The following TMEM178B variants were observed in gnomAD, a reference collection of about 807,000 sequenced individuals.
TMEM178B encodes the protein transmembrane protein 178B.
TMEM178B carries 5 observed loss-of-function variants against 31.0 expected under a neutral mutation model. That is an observed-to-expected ratio of 0.16 (90% CI 0.08 to 0.34). The LOEUF is 0.34. Among genes scored for constraint, TMEM178B ranks in the 10% least tolerant of loss-of-function variants. The pLI is 1.00. For synonymous variants in TMEM178B, 164 were observed against 164.0 expected, an observed-to-expected ratio of 1.00 and a Z score of 0.00; for missense variants, 275 against 400.3, an observed-to-expected ratio of 0.69 and a Z score of 2.67.
chr7:141,320,472 T>C (rs1453585087), intron 2 of TMEM178B, among the ~76,000 whole-genome samples: 1 of 152,150 alleles, frequency 6.6e-6, no homozygotes, highest in African/African-American at 2.4e-5. Flanking sequence ...TCAGGATTTC[T>C]GAGCCTTGTG....
intron 1 of TMEM178B, among the ~76,000 whole-genome samples, chr7:141,192,625 C>T (rs1271923606): frequency 3.3e-5 from 5 of 152,234 alleles, no homozygotes; most frequent in South Asian, 2.1e-4. Flanking sequence ...CCACCACACC[C>T]GACTAATTTT....
At chr7:141,148,966 T>C (rs1795906091) in intron 1 of TMEM178B, among the ~76,000 whole-genome samples, 1 of 152,154 alleles carries the variant, frequency 6.6e-6, no homozygotes, top group Non-Finnish European at 1.5e-5. Flanking sequence ...TTGTCAGAGA[T>C]GGAGAGGAGC....
At chr7:141,184,551 G>A (rs1295664159) in intron 1 of TMEM178B, among the ~76,000 whole-genome samples, 2 of 152,156 alleles carry the variant, frequency 1.3e-5, no homozygotes, top group Non-Finnish European at 2.9e-5. Context: ...TTATATGTGG[G>A]AGCCTCTGCT....
At chr7:141,382,633 C>A (rs956065545) in intron 2 of TMEM178B, among the ~76,000 whole-genome samples, 1 of 152,134 alleles carries the variant, frequency 6.6e-6, no homozygotes, top group Non-Finnish European at 1.5e-5. Flanking sequence ...TCATCTATTA[C>A]CAGCATTAAC....
At chr7:141,400,115 C>T (rs931657561) in intron 2 of TMEM178B, among the ~76,000 whole-genome samples, 5 of 152,138 alleles carry the variant, frequency 3.3e-5, no homozygotes, top group African/African-American at 1.2e-4. Context: ...TGCTATGGGT[C>T]GTCATGCATC....
chr7:141,325,547 G>C (rs1799174534), intron 2 of TMEM178B, among the ~76,000 whole-genome samples: 1 of 152,156 alleles, frequency 6.6e-6, no homozygotes, highest in Admixed American at 6.5e-5. Context: ...GGTCTCCATA[G>C]GGATTGGGCT....
chr7:141,261,932 T>TAAGGATAACA (rs756050315), intron 2 of TMEM178B, among the ~76,000 whole-genome samples: 2 of 152,074 alleles, frequency 1.3e-5, no homozygotes, highest in Non-Finnish European at 2.9e-5. Context: ...TCCAACAAAA[T>TAAGGATAACA]AAATTATTGT....
In TMEM178B at chr7:141,426,748, T is replaced by C. The variant is rs140964982; in HGVS notation, c.497-10860T>C. Reference sequence around the variant, plus strand: ...AAACTATCTTATTTTGACATAAGAATAATTATTAAGTATAACTACATTATG... The same window carrying C: ...AAACTATCTTATTTTGACATAAGAACAATTATTAAGTATAACTACATTATG... On this transcript the variant is annotated intron_variant, in intron 2 of 3. Coordinates refer to ENST00000565468, the MANE Select transcript of TMEM178B (RefSeq NM_001195278.2). Among the ~76,000 whole-genome samples the C allele has an allele frequency of 4.1e-4, 63 of 152,272 alleles. 2 individuals carry two copies. In the East Asian group the frequency reaches 7.7e-3, roughly 19 times the overall value.
At chr7:141,266,401 C>G (rs1181781357) in intron 2 of TMEM178B, among the ~76,000 whole-genome samples, 2 of 152,180 alleles carry the variant, frequency 1.3e-5, no homozygotes, top group African/African-American at 4.8e-5. Flanking sequence ...CATCAGTTAT[C>G]TGTTAGTAAC....
At chr7:141,463,636 G>T (rs1276554660) in intron 3 of TMEM178B, among the ~76,000 whole-genome samples, 1 of 152,228 alleles carries the variant, frequency 6.6e-6, no homozygotes, top group Non-Finnish European at 1.5e-5. Context: ...TCCGAAGAAG[G>T]CCAGGGACAG....
intron 2 of TMEM178B, among the ~76,000 whole-genome samples, chr7:141,272,011 ATGCTTCAG>A (rs1798193501): frequency 6.6e-6 from 1 of 152,036 alleles, no homozygotes; most frequent in Non-Finnish European, 1.5e-5. Context: ...CCTTCTCTCC[ATGCTTCAG>A]TGCTCAGTTC....
rs61516388 is a variant in TMEM178B, at chr7:141,085,150, ATTTTTTTTT to A, written c.382+10476_382+10484del. ...CTGTCAGCACTCTCGGCTAATTTGT[ATTTTTTTTT>A]TTTTTTTTTTTTTTTTTAGTAGAGA... On this transcript the variant is annotated intron_variant, in intron 1 of 3. Transcript: ENST00000565468. 5.5e-4 allele frequency among the ~76,000 whole-genome samples: 41 copies of A among 74,506 alleles called. 1 individual carries two copies. The highest frequency in any genetic ancestry group is 2.0e-3 in the African/African-American group (39 of 19,578). 48.9% of individuals were successfully genotyped at this position (74,506 alleles called of 152,430 possible). A position where few individuals can be genotyped will look rare whatever the true frequency, so the allele number is the denominator to read the frequency against.
chr7:141,364,818 G>A (rs369695126), intron 2 of TMEM178B, among the ~76,000 whole-genome samples: 17 of 152,166 alleles, frequency 1.1e-4, no homozygotes, highest in South Asian at 4.1e-4. Flanking sequence ...CAGCCTCTGC[G>A]TGGGGCAATA....
intron 1 of TMEM178B, among the ~76,000 whole-genome samples, chr7:141,136,410 T>C (rs934460013): frequency 2.0e-5 from 3 of 152,088 alleles, no homozygotes; most frequent in African/African-American, 7.2e-5. Context: ...ACTAAAACTA[T>C]AAAACTACTT....
At chr7:141,299,645 C>T (rs1027267144) in intron 2 of TMEM178B, among the ~76,000 whole-genome samples, 8 of 152,134 alleles carry the variant, frequency 5.3e-5, no homozygotes, top group Admixed American at 1.3e-4. Context: ...CCCTTTGGTT[C>T]TCTGCAGAAT....
chr7:141,336,185 C>T (rs1245454718), intron 2 of TMEM178B, among the ~76,000 whole-genome samples: 1 of 152,126 alleles, frequency 6.6e-6, no homozygotes, highest in Non-Finnish European at 1.5e-5. Flanking sequence ...GCTGCTCTTC[C>T]TCATCCTGAC....
At chr7:141,079,147 C>T (rs1169064406) in intron 1 of TMEM178B, among the ~76,000 whole-genome samples, 3 of 152,062 alleles carry the variant, frequency 2.0e-5, no homozygotes, top group African/African-American at 7.2e-5. Flanking sequence ...ATTAGCTGGG[C>T]ATGGTGGTGT....
At chr7:141,417,039 G>A (rs187064411) in intron 2 of TMEM178B, among the ~76,000 whole-genome samples, 153 of 152,282 alleles carry the variant, frequency 1.0e-3, no homozygotes, top group Non-Finnish European at 1.4e-3. Flanking sequence ...AAATAGAAAA[G>A]CCTTTCTCAT....
chr7:141,138,989 A>G (rs1000768228), intron 1 of TMEM178B, among the ~76,000 whole-genome samples: 2 of 152,096 alleles, frequency 1.3e-5, no homozygotes, highest in African/African-American at 4.8e-5. Context: ...ATGTCAAAAA[A>G]AAAAAGAAAA....
Sources: gnomAD v4.1 joint callset for allele counts (sites outside exome capture counted in the v4.1 genomes callset) on GRCh38, gnomAD v4.1.1 for gene constraint, MANE v1.5 for transcripts, NCBI Gene and HGNC (gene_info 2026-07-23, HGNC 2026-07-21) for gene names.